Variants in GPRC6A observed in about 807,000 individuals in gnomAD.
GPRC6A encodes G protein-coupled receptor family C group 6 member A.
A neutral mutation model predicts 47.0 loss-of-function variants in GPRC6A; 54 were observed. The ratio of observed to expected loss-of-function variants is 1.15; its 90% CI spans 0.92 to 1.44. The LOEUF is 1.44. Ranked by LOEUF, GPRC6A falls within the 40% of genes most tolerant of loss-of-function variation. The probability of loss-of-function intolerance (pLI) is 0.00; values close to 1 mark genes in which losing one functional copy is unlikely to be tolerated. For missense variants in GPRC6A, 1,112 were observed against 1,105.5 expected, an observed-to-expected ratio of 1.01 and a Z score of -0.08; for synonymous variants, 347 against 377.1, an observed-to-expected ratio of 0.92 and a Z score of 0.93.
intron 1 of GPRC6A, among the ~76,000 whole-genome samples, chr6:116,821,722 A>G (rs930153724): frequency 6.6e-6 from 1 of 152,038 alleles, no homozygotes; most frequent in Non-Finnish European, 1.5e-5. Flanking sequence ...ACATGGATTA[A>G]AGACTTAAAC....
chr6:116,823,472 C>G (rs144077024), intron 1 of GPRC6A, among the ~76,000 whole-genome samples: 2 of 152,104 alleles, frequency 1.3e-5, no homozygotes, highest in Non-Finnish European at 2.9e-5. Flanking sequence ...TCACCATCAT[C>G]ATTTTGGTCA....
rs1773543751 is a variant in GPRC6A, at chr6:116,822,850, T to G, written c.194+5970A>C. Among the ~76,000 whole-genome samples the G allele has an allele frequency of 5.3e-5, 7 of 132,586 alleles. No individual in the cohort carries two copies. In the South Asian group the frequency reaches 1.4e-3, roughly 26 times the overall value. 87.0% of individuals were successfully genotyped at this position (132,586 alleles called of 152,430 possible). ...CAATGTGCACATGTACCCTAAAACT[T>G]AAAGTATAATAATAAAAAAAAAGAA... On this transcript the variant is annotated intron_variant, in intron 1 of 5. Coordinates refer to ENST00000310357, the MANE Select transcript of GPRC6A (RefSeq NM_148963.4).
intron 1 of GPRC6A, among the ~76,000 whole-genome samples, chr6:116,813,450 A>G (rs1348627287): frequency 3.9e-5 from 6 of 152,134 alleles, no homozygotes; most frequent in African/African-American, 1.4e-4. Context: ...CAGGAATAAT[A>G]CTACACATCT....
intron 1 of GPRC6A, among the ~76,000 whole-genome samples, chr6:116,824,892 C>T (rs1386000263): frequency 6.6e-6 from 1 of 151,878 alleles, no homozygotes; most frequent in Non-Finnish European, 1.5e-5. Context: ...GATAATACAC[C>T]ATGATTAAGT....
chr6:116,813,630 T>A (rs906326154), intron 1 of GPRC6A, among the ~76,000 whole-genome samples: 1 of 152,174 alleles, frequency 6.6e-6, no homozygotes, highest in Non-Finnish European at 1.5e-5. Flanking sequence ...AAGACTTAAA[T>A]GTTATACCTA....
intron 3 of GPRC6A, among the ~76,000 whole-genome samples, chr6:116,804,433 T>C (rs1184547152): frequency 6.6e-6 from 1 of 152,140 alleles, no homozygotes; most frequent in Non-Finnish European, 1.5e-5. Context: ...TATCATTGAC[T>C]AGGGACCCTA....
Position 116,801,504 on chromosome 6 carries a change from A to G in GPRC6A, c.1336-708T>C, listed in dbSNP as rs560159845. Among the ~76,000 whole-genome samples the G allele has an allele frequency of 7.7e-4, 118 of 152,274 alleles. 1 individual carries two copies. Among genetic ancestry groups the G allele is most frequent in the African/African-American group, 2.8e-3 (117 of 41,564 alleles). ...TATGTCAAGTAAATATCCTCTCTGA[A>G]TGCTTTCATAATGGCCCATTTATTA... On this transcript the variant is annotated intron_variant, in intron 3 of 5. Coordinates refer to ENST00000310357, the MANE Select transcript of GPRC6A (RefSeq NM_148963.4).
intron 4 of GPRC6A, among the ~76,000 whole-genome samples, chr6:116,799,771 G>A (rs1372302006): frequency 6.6e-6 from 1 of 152,138 alleles, no homozygotes; most frequent in Non-Finnish European, 1.5e-5. Context: ...TAATGTAGAA[G>A]AAAGAATGAT....
At chr6:116,803,337 C>T (rs919965950) in intron 3 of GPRC6A, among the ~76,000 whole-genome samples, 16 of 152,164 alleles carry the variant, frequency 1.1e-4, no homozygotes, top group African/African-American at 3.6e-4. Context: ...AATCAATTCA[C>T]CTTGGATGGA....
upstream of GPRC6A, chr6:116,829,095 C>T: frequency 1.3e-6 from 2 of 1,505,992 alleles, no homozygotes; most frequent in South Asian, 2.8e-5. Flanking sequence ...CCTATTTCAC[C>T]TGTAAACACC....
chr6:116,799,133 G>A (rs979029825), intron 4 of GPRC6A, among the ~76,000 whole-genome samples: 2 of 152,154 alleles, frequency 1.3e-5, no homozygotes, highest in Admixed American at 6.5e-5. Flanking sequence ...TGAGAGGTGA[G>A]TAGGTTGGGA....
At chr6:116,817,792 T>C (rs1474681269) in intron 1 of GPRC6A, among the ~76,000 whole-genome samples, 7 of 151,540 alleles carry the variant, frequency 4.6e-5, no homozygotes, top group East Asian at 3.9e-4. Context: ...CAATGGAAGA[T>C]GAAAGGAATG....
chr6:116,828,969 A>G lies in GPRC6A; in HGVS notation c.45T>C (p.Leu15=). The change falls in exon 1 of 6, where the codon CTT becomes CTC. Residue 15 remains leucine, a synonymous_variant. Transcript: ENST00000310357. ...GGGTCTGGCAAGGCTGTGAAGTAGC[A>G]AGAATAATCACAAAGCAGGTAATTA... ...IILITCFVII[L]ATSQPCQTPD... The G allele has an allele frequency of 6.2e-7, 1 of 1,613,192 alleles. No individual in the cohort carries two copies. The highest frequency in any genetic ancestry group is 8.5e-7 in the Non-Finnish European group (1 of 1,179,446).
intron 1 of GPRC6A, among the ~76,000 whole-genome samples, chr6:116,817,092 A>G (rs532446467): frequency 1.9e-3 from 294 of 152,204 alleles, no homozygotes; most frequent in African/African-American, 6.9e-3. Flanking sequence ...CAGGGCACAG[A>G]CAAACAAAAA....
At chr6:116,814,940 A>G (rs948421991) in intron 1 of GPRC6A, among the ~76,000 whole-genome samples, 1 of 152,178 alleles carries the variant, frequency 6.6e-6, no homozygotes, top group Non-Finnish European at 1.5e-5. Flanking sequence ...TATTTATACC[A>G]GATAAAACAC....
intron 4 of GPRC6A, among the ~76,000 whole-genome samples, chr6:116,800,202 C>T (rs1772615417): frequency 6.8e-6 from 1 of 146,738 alleles, no homozygotes; most frequent in Non-Finnish European, 1.5e-5. Flanking sequence ...CTCCCTCCCT[C>T]TCTCTCTTTT....
At chr6:116,803,545 G>A (rs1015782775) in intron 3 of GPRC6A, among the ~76,000 whole-genome samples, 2 of 152,062 alleles carry the variant, frequency 1.3e-5, no homozygotes, top group Admixed American at 6.6e-5. Flanking sequence ...GAATTAACAT[G>A]ATAATAAGAT....
chr6:116,809,069 C>G (rs1772942757), intron 2 of GPRC6A, among the ~76,000 whole-genome samples: 1 of 152,142 alleles, frequency 6.6e-6, no homozygotes, highest in Non-Finnish European at 1.5e-5. Flanking sequence ...TTTTGCTATT[C>G]TTTGGGCATT....
At chr6:116,793,388 T>C in intron 5 of GPRC6A, 138 bp from the exon 6 acceptor site, 2 of 529,170 alleles carry the variant, frequency 3.8e-6, no homozygotes, top group Non-Finnish European at 3.1e-6. Context: ...TGGTTACTTA[T>C]TAAAATAAAA....
Sources: gnomAD v4.1 joint callset for allele counts (sites outside exome capture counted in the v4.1 genomes callset) on GRCh38, gnomAD v4.1.1 for gene constraint, MANE v1.5 for transcripts, NCBI Gene and HGNC (gene_info 2026-07-23, HGNC 2026-07-21) for gene names.